Variants in COL8A1 observed in about 807,000 individuals in gnomAD.
COL8A1 encodes the protein collagen type VIII alpha 1 chain, also known as collagen alpha-1(VIII) chain.
In COL8A1, 21 loss-of-function variants were observed where a neutral mutation model predicts 42.7. The ratio of observed to expected loss-of-function variants is 0.49; its 90% CI spans 0.35 to 0.71. The LOEUF (loss-of-function observed/expected upper bound fraction) is 0.71. Ranked by LOEUF, COL8A1 falls within the 30% of genes least tolerant of loss-of-function variation. The probability of loss-of-function intolerance (pLI) is 0.01; values close to 1 mark genes in which losing one functional copy is unlikely to be tolerated. For synonymous variants in COL8A1, 367 were observed against 369.1 expected, an observed-to-expected ratio of 0.99 and a Z score of 0.06; for missense variants, 788 against 962.4, an observed-to-expected ratio of 0.82 and a Z score of 2.40.
chr3:99,677,320 T>C (rs1036556599), intron 1 of COL8A1, among the ~76,000 whole-genome samples: 1 of 152,144 alleles, frequency 6.6e-6, no homozygotes, highest in African/African-American at 2.4e-5. Flanking sequence ...TCCAAATCTT[T>C]CTTATTCTTG....
At chr3:99,727,627 T>G (rs1006298101) in intron 1 of COL8A1, among the ~76,000 whole-genome samples, 1 of 151,974 alleles carries the variant, frequency 6.6e-6, no homozygotes, top group East Asian at 1.9e-4. Flanking sequence ...GTTGTAGATA[T>G]GCGGCATTAT....
At chr3:99,740,944 A>G (rs2107401148) in intron 1 of COL8A1, among the ~76,000 whole-genome samples, 1 of 152,300 alleles carries the variant, frequency 6.6e-6, no homozygotes, top group African/African-American at 2.4e-5. Flanking sequence ...GAACTGTAGT[A>G]AACATTTTCT....
At chr3:99,707,852 A>C (rs1437721914) in intron 1 of COL8A1, among the ~76,000 whole-genome samples, 1 of 152,164 alleles carries the variant, frequency 6.6e-6, no homozygotes, top group Non-Finnish European at 1.5e-5. Flanking sequence ...AGAGCCTTAC[A>C]TTTCATTCAA....
At chr3:99,779,745 T>G (rs1277478852) in intron 2 of COL8A1, among the ~76,000 whole-genome samples, 1 of 152,252 alleles carries the variant, frequency 6.6e-6, no homozygotes, top group Non-Finnish European at 1.5e-5. Flanking sequence ...AGATTTTTCC[T>G]TGCAATGAGA....
At chr3:99,792,176 T>G (rs1007839616) in intron 3 of COL8A1, among the ~76,000 whole-genome samples, 7 of 152,260 alleles carry the variant, frequency 4.6e-5, no homozygotes, top group Non-Finnish European at 8.8e-5. Flanking sequence ...TTCCTGACTT[T>G]CTTCTCTTTA....
At chr3:99,769,259 A>G (rs1021480171) in intron 2 of COL8A1, among the ~76,000 whole-genome samples, 1 of 152,234 alleles carries the variant, frequency 6.6e-6, no homozygotes, top group Non-Finnish European at 1.5e-5. Context: ...GGCATCTAAT[A>G]AATGTCAGTC....
At chr3:99,734,087 C>T (rs1406912532) in intron 1 of COL8A1, among the ~76,000 whole-genome samples, 1 of 151,946 alleles carries the variant, frequency 6.6e-6, no homozygotes, top group Non-Finnish European at 1.5e-5. Context: ...AATTTTCTCC[C>T]ATTTTGTAGG....
At chr3:99,787,857 TACACACAC>T (rs76817799) in intron 2 of COL8A1, among the ~76,000 whole-genome samples, 1 of 148,790 alleles carries the variant, frequency 6.7e-6, no homozygotes, top group Non-Finnish European at 1.5e-5. Flanking sequence ...AGAACACAAA[TACACACAC>T]ACACACACAC....
chr3:99,777,150 T>C (rs1003577498), intron 2 of COL8A1, among the ~76,000 whole-genome samples: 7 of 152,272 alleles, frequency 4.6e-5, no homozygotes, highest in African/African-American at 1.7e-4. Context: ...GTCTCAGCCT[T>C]ATTTCACTCA....
rs900340386 is a variant in COL8A1 at position 99,641,429 on chromosome 3, T to C, written c.-129+2765T>C. Among the ~76,000 whole-genome samples, 11 of 152,282 alleles carry C rather than the reference T, an allele frequency of 7.2e-5. No individual in the cohort carries two copies. In the East Asian group the frequency reaches 2.1e-3, roughly 29 times the overall value. On this transcript the variant is annotated intron_variant, in intron 1 of 3. Coordinates refer to ENST00000652472, the MANE Select transcript of COL8A1 (RefSeq NM_020351.4). ...GAAAAGAACAGCTTGGTTCTAATGA[T>C]GAAAATGATTTCAGGTTTGCCCCAT...
intron 2 of COL8A1, among the ~76,000 whole-genome samples, chr3:99,752,957 T>C (rs1023838892): frequency 6.6e-6 from 1 of 152,112 alleles, no homozygotes; most frequent in Admixed American, 6.6e-5. Context: ...CTCTGCCACA[T>C]GCCTACTGCT....
chr3:99,656,510 G>T (rs779561582), intron 1 of COL8A1, among the ~76,000 whole-genome samples: 1 of 149,694 alleles, frequency 6.7e-6, no homozygotes, highest in Non-Finnish European at 1.5e-5. Context: ...AAAAAAAAAA[G>T]CTTTCCTCAC....
At chr3:99,676,721 A>C (rs1240864173) in intron 1 of COL8A1, among the ~76,000 whole-genome samples, 1 of 152,136 alleles carries the variant, frequency 6.6e-6, no homozygotes, top group African/African-American at 2.4e-5. Flanking sequence ...TAAGGTAAGA[A>C]AGAGAAATAA....
chr3:99,660,993 T>C (rs1312020905), intron 1 of COL8A1, among the ~76,000 whole-genome samples: 1 of 152,186 alleles, frequency 6.6e-6, no homozygotes, highest in Non-Finnish European at 1.5e-5. Flanking sequence ...AATGATCATA[T>C]ACTGTTGGTA....
chr3:99,745,490 C>T (rs922554572), intron 2 of COL8A1, among the ~76,000 whole-genome samples: 2 of 152,176 alleles, frequency 1.3e-5, no homozygotes, highest in Admixed American at 1.3e-4. Flanking sequence ...CTTATCATCT[C>T]TCAGTCATGT....
At chr3:99,788,124 A>G (rs1183786425) in intron 2 of COL8A1, among the ~76,000 whole-genome samples, 1 of 152,188 alleles carries the variant, frequency 6.6e-6, no homozygotes, top group Non-Finnish European at 1.5e-5. Context: ...ACCACCAAAA[A>G]TATCCTCAGG....
chr3:99,652,409 A>T (rs1180427311), intron 1 of COL8A1, among the ~76,000 whole-genome samples: 1 of 152,188 alleles, frequency 6.6e-6, no homozygotes, highest in Non-Finnish European at 1.5e-5. Context: ...TTTTATCTAC[A>T]ATTTACACAT....
chr3:99,702,120 T>A (rs1359555601), intron 1 of COL8A1, among the ~76,000 whole-genome samples: 1 of 152,158 alleles, frequency 6.6e-6, no homozygotes, highest in Non-Finnish European at 1.5e-5. Context: ...CAGCATCCAC[T>A]CTTAGATATT....
intron 2 of COL8A1, among the ~76,000 whole-genome samples, chr3:99,778,859 A>C (rs1941743169): frequency 6.6e-6 from 1 of 152,174 alleles, no homozygotes. Flanking sequence ...GTGCCATTTG[A>C]CAAGCATTTC....
Sources: gnomAD v4.1 joint callset for allele counts (sites outside exome capture counted in the v4.1 genomes callset) on GRCh38, gnomAD v4.1.1 for gene constraint, MANE v1.5 for transcripts, NCBI Gene and HGNC (gene_info 2026-07-23, HGNC 2026-07-21) for gene names.